RILPL1: variants seen among roughly 807,000 people sequenced by gnomAD.
RILPL1 encodes the protein RILP-like protein 1.
Under a neutral mutation model 50.3 loss-of-function variants are expected in RILPL1, and 33 were observed. The observed-to-expected ratio is 0.66, with a 90% CI of 0.50 to 0.88. The LOEUF (loss-of-function observed/expected upper bound fraction) is 0.88. Among genes scored for constraint, RILPL1 ranks in the 40% least tolerant of loss-of-function variants. The probability of loss-of-function intolerance (pLI) is 0.00; values close to 1 mark genes in which losing one functional copy is unlikely to be tolerated. For synonymous variants in RILPL1, 205 were observed against 228.6 expected (o/e 0.90, Z 0.93); for missense variants, 418 against 542.5 (o/e 0.77, Z 2.28).
chr12:123,498,754 C>A lies in RILPL1; in HGVS notation c.591G>T (p.Gln197His). ...GGTTGATCTTCATCAGCCGTGTCTG[C>A]TGCTGCTGTAACTGTAGAAAAAGGG... ...KNEDVEALQQQQTRLMKINHD... is the reference protein window; with the variant it reads ...KNEDVEALQQHQTRLMKINHD... Residue 197 changes from glutamine (Q) to histidine (H), a missense_variant, in exon 4 of 7, where the codon CAG becomes CAT. Gln to His is a conservative substitution (Grantham distance 24). Transcript: ENST00000376874. The surrounding 1 kb of genome is among the most constrained non-coding windows in gnomAD (Gnocchi z 4.3). 6.2e-7 allele frequency: 1 copy of A among 1,612,680 alleles called. No homozygotes were observed. The highest frequency in any genetic ancestry group is 8.5e-7 in the Non-Finnish European group (1 of 1,179,872).
chr12:123,482,104 C>T (rs1882042195), intron 6 of RILPL1, among the ~76,000 whole-genome samples: 1 of 151,304 alleles, frequency 6.6e-6, no homozygotes, highest in Non-Finnish European at 1.5e-5. Flanking sequence ...GAACTTCTGA[C>T]CTCATGATCC....
intron 1 of RILPL1, among the ~76,000 whole-genome samples, chr12:123,530,182 T>C (rs144689229): frequency 2.2e-4 from 34 of 152,312 alleles, no homozygotes; most frequent in African/African-American, 7.7e-4. Flanking sequence ...GTTGTTGTTT[T>C]TGAGACAGAG....
chr12:123,530,768 C>T (rs1566149385), intron 1 of RILPL1, among the ~76,000 whole-genome samples: 1 of 152,192 alleles, frequency 6.6e-6, no homozygotes, highest in East Asian at 1.9e-4. Context: ...TGACATGAGA[C>T]TTTGCTTTTC....
At chr12:123,527,066 C>T (rs745608330) in intron 1 of RILPL1, among the ~76,000 whole-genome samples, 6 of 152,174 alleles carry the variant, frequency 3.9e-5, no homozygotes, top group Non-Finnish European at 7.3e-5. Context: ...CACGGTGGCT[C>T]ATACCTATAA....
intron 1 of RILPL1, among the ~76,000 whole-genome samples, chr12:123,528,167 A>C (rs28361405): frequency 6.6e-6 from 1 of 151,674 alleles, no homozygotes; most frequent in African/African-American, 2.4e-5. Flanking sequence ...AGGAGTCTGC[A>C]GCCAGCCTGG....
At chr12:123,490,481 C>T (rs1593547619) in intron 4 of RILPL1, among the ~76,000 whole-genome samples, 1 of 152,136 alleles carries the variant, frequency 6.6e-6, no homozygotes, top group African/African-American at 2.4e-5. Flanking sequence ...TCCTTAGAAC[C>T]TGAGTTCTTT....
At chr12:123,513,417 G>T in intron 2 of RILPL1, 1 of 324,154 alleles carries the variant, frequency 3.1e-6, no homozygotes, top group Non-Finnish European at 6.5e-6. Flanking sequence ...AGGCGAGCAT[G>T]AGGAGAGAGG....
chr12:123,503,036 C>T (rs141879547), intron 2 of RILPL1, among the ~76,000 whole-genome samples: 2,304 of 148,848 alleles, frequency 0.015, 33 homozygotes, highest in Non-Finnish European at 0.021. Flanking sequence ...TACAGGTCCC[C>T]GCCACCACGC....
At chr12:123,514,598 T>C (rs564335067) in intron 2 of RILPL1, among the ~76,000 whole-genome samples, 1 of 151,898 alleles carries the variant, frequency 6.6e-6, no homozygotes, top group East Asian at 2.0e-4. Context: ...GGCTAATATT[T>C]GTATTTTAGT....
At position 123,522,174 on chromosome 12, in the gene RILPL1, T is replaced by C. The variant is rs1214474235; in HGVS notation, c.460+1321A>G. ...CCATCAAACATGAGGAAGAGGCTCATGTGGGGAGCTAAGGAGTTTCTCAGA... is the reference window on the plus strand; with the variant it reads ...CCATCAAACATGAGGAAGAGGCTCACGTGGGGAGCTAAGGAGTTTCTCAGA... On this transcript the variant is annotated intron_variant, in intron 2 of 6. Coordinates refer to ENST00000376874, the MANE Select transcript of RILPL1 (RefSeq NM_178314.5). This position sits in a 1 kb window ranked among gnomAD's most constrained non-coding sequence, Gnocchi z 4.0. Among the ~76,000 whole-genome samples, 1 of 152,140 alleles carries C rather than the reference T, an allele frequency of 6.6e-6. No individual in the cohort carries two copies. The highest frequency in any genetic ancestry group is 1.9e-4 in the East Asian group (1 of 5,186).
intron 6 of RILPL1, among the ~76,000 whole-genome samples, chr12:123,481,724 T>G (rs1882016109): frequency 1.3e-5 from 2 of 150,382 alleles, no homozygotes; most frequent in Admixed American, 1.3e-4. Flanking sequence ...GCCCGGCTGA[T>G]TTTTGTATTT....
intron 6 of RILPL1, among the ~76,000 whole-genome samples, chr12:123,482,656 T>C (rs1460784005): frequency 6.6e-6 from 1 of 151,208 alleles, no homozygotes; most frequent in African/African-American, 2.4e-5. Flanking sequence ...TTTCGCTCTG[T>C]CACCCTAGCT....
chr12:123,471,457 C>T lies in RILPL1; in HGVS notation c.*1081G>A, dbSNP rs367550229. The T allele has an allele frequency of 6.6e-6, 1 of 152,214 alleles. No individual in the cohort carries two copies. The highest frequency in any genetic ancestry group is 1.5e-5 in the Non-Finnish European group (1 of 68,056). The allele number at this position is 152,214 out of a possible 1,614,324, so 9.4% of individuals were successfully genotyped here. A position where few individuals can be genotyped will look rare whatever the true frequency, so the allele number is the denominator to read the frequency against. On this transcript the variant is annotated 3_prime_UTR_variant, in exon 7 of 7. Coordinates refer to ENST00000376874, the MANE Select transcript of RILPL1 (RefSeq NM_178314.5). ...TGAGTGCTGGTAGGAGGTGCTACCT[C>T]GCTCAATCTGTGAGCAACCAGCCCT...
intron 4 of RILPL1, among the ~76,000 whole-genome samples, chr12:123,488,367 G>C (rs1283170304): frequency 6.6e-6 from 1 of 151,614 alleles, no homozygotes; most frequent in Admixed American, 6.6e-5. Flanking sequence ...CCTGAGCCCA[G>C]GAAGTGGAGG....
At chr12:123,521,515 A>G (rs994748422) in intron 2 of RILPL1, among the ~76,000 whole-genome samples, 1 of 145,126 alleles carries the variant, frequency 6.9e-6, no homozygotes, top group Admixed American at 7.0e-5. Flanking sequence ...GTTTTTATAA[A>G]TTTATATATA....
At chr12:123,497,969 T>A (rs756391659) in intron 4 of RILPL1, among the ~76,000 whole-genome samples, 1 of 152,252 alleles carries the variant, frequency 6.6e-6, no homozygotes, top group Non-Finnish European at 1.5e-5. Flanking sequence ...CTAACTAATG[T>A]CTGCCTCCCA....
In RILPL1 at chr12:123,486,856, T is replaced by A. The variant is rs11516177; in HGVS notation, c.802-1051A>T. Among the ~76,000 whole-genome samples, 592 of 152,052 alleles carry A rather than the reference T, an allele frequency of 3.9e-3. 2 individuals carry two copies. The highest frequency in any genetic ancestry group is 6.3e-3 in the Non-Finnish European group (426 of 67,970). Reference sequence around the variant, plus strand: ...CTCTGTCACCCAGGCTGGAGTGCAGTGGCACGATCTCAGCTCACTGCAAAC... The same window carrying A: ...CTCTGTCACCCAGGCTGGAGTGCAGAGGCACGATCTCAGCTCACTGCAAAC... On this transcript the variant is annotated intron_variant, in intron 4 of 6. Coordinates refer to ENST00000376874, the MANE Select transcript of RILPL1 (RefSeq NM_178314.5).
At chr12:123,514,031 T>C (rs1268023270) in intron 2 of RILPL1, 2 of 152,230 alleles carry the variant, frequency 1.3e-5, no homozygotes, top group African/African-American at 4.8e-5. Flanking sequence ...ACAGCAGCAC[T>C]ATCTGTAGCA....
intron 6 of RILPL1, among the ~76,000 whole-genome samples, chr12:123,481,646 T>A (rs1251666043): frequency 2.0e-5 from 3 of 151,824 alleles, no homozygotes; most frequent in Non-Finnish European, 4.4e-5. Context: ...AACCTCTGTC[T>A]CCCAGGTTCA....
Sources: allele counts gnomAD v4.1 joint callset (sites outside exome capture counted in the v4.1 genomes callset), GRCh38; gene constraint gnomAD v4.1.1; non-coding constraint Gnocchi (gnomAD v3.1); transcripts MANE v1.5; gene names NCBI Gene and HGNC (gene_info 2026-07-23, HGNC 2026-07-21).